The following ZDHHC3 variants were observed in gnomAD, a reference collection of about 807,000 sequenced individuals.
The protein encoded by ZDHHC3 is zDHHC palmitoyltransferase 3, also known as palmitoyltransferase ZDHHC3.
In ZDHHC3, 9 loss-of-function variants were observed where a neutral mutation model predicts 30.6. The observed-to-expected ratio is 0.29, with a 90% CI of 0.18 to 0.51. ZDHHC3 has a LOEUF of 0.51. ZDHHC3 is among the 20% of genes least tolerant of loss of function. The pLI is 0.97. For missense variants in ZDHHC3, 246 were observed against 384.2 expected (o/e 0.64, Z 3.01); for synonymous variants, 136 against 140.2 (o/e 0.97, Z 0.21).
At chr3:44,928,682 A>C (rs926575124) in intron 6 of ZDHHC3, among the ~76,000 whole-genome samples, 6 of 152,218 alleles carry the variant, frequency 3.9e-5, no homozygotes, top group Admixed American at 2.6e-4. Context: ...AGTAGGCCCC[A>C]GTCTGGCACA....
intron 6 of ZDHHC3, among the ~76,000 whole-genome samples, chr3:44,928,638 G>A (rs1701211561): frequency 6.6e-6 from 1 of 152,186 alleles, no homozygotes; most frequent in South Asian, 2.1e-4. Context: ...GACACCTTAG[G>A]AAGGTCAGGA....
chr3:44,922,423 G>C lies in ZDHHC3; in HGVS notation c.*4266C>G. 2 of 985,406 alleles carry C rather than the reference G, an allele frequency of 2.0e-6. No homozygotes were observed. The highest frequency in any genetic ancestry group is 2.4e-6 in the Non-Finnish European group (2 of 829,922). The allele number at this position is 985,406 out of a possible 1,614,324, so 61.0% of individuals were successfully genotyped here. ...CCACTGATGAGATGCACAAGGAGTG[G>C]TGGGCAGGCTAATAATTTGGATCTG... is the stretch of plus-strand genomic sequence containing the variant. On this transcript the variant is annotated 3_prime_UTR_variant, in exon 7 of 7. Coordinates refer to ENST00000424952, the MANE Select transcript of ZDHHC3 (RefSeq NM_001135179.2).
At chr3:44,964,425 A>G (rs1386486071) in intron 1 of ZDHHC3, among the ~76,000 whole-genome samples, 1 of 152,192 alleles carries the variant, frequency 6.6e-6, no homozygotes, top group East Asian at 1.9e-4. Flanking sequence ...CAGGATGACC[A>G]GGGCTGTGTG....
At chr3:44,940,612 C>T (rs1246222171) in intron 3 of ZDHHC3, among the ~76,000 whole-genome samples, 1 of 152,196 alleles carries the variant, frequency 6.6e-6, no homozygotes, top group South Asian at 2.1e-4. Context: ...TATCTGCATC[C>T]TGGCCTTCCA....
At position 44,945,212 on chromosome 3, in the gene ZDHHC3, G is replaced by A; in HGVS notation, c.387C>T (p.Cys129=). The A allele has an allele frequency of 6.2e-7, 1 of 1,614,150 alleles. No individual in the cohort carries two copies. The highest frequency in any genetic ancestry group is 8.5e-7 in the Non-Finnish European group (1 of 1,180,032). The change falls in exon 3 of 7, where the codon TGC becomes TGT. Residue 129 remains cysteine (C), a synonymous_variant. Transcript: ENST00000424952. ...CGGGCTTGATGCTGCAGCATTTGGG[G>A]CACTTGTACACCACCTGCCCAGGCT... is the stretch of plus-strand genomic sequence containing the variant. The part of the protein sequence containing the change: ...QLKPGQVVYK[C]PKCCSIKPDR...
intron 2 of ZDHHC3, among the ~76,000 whole-genome samples, chr3:44,951,555 C>T (rs1359726713): frequency 6.6e-6 from 1 of 152,184 alleles, no homozygotes; most frequent in Non-Finnish European, 1.5e-5. Context: ...TCCCTGGACT[C>T]ACGGGTACCC....
intron 3 of ZDHHC3, among the ~76,000 whole-genome samples, chr3:44,935,186 C>A (rs1449329259): frequency 1.3e-5 from 2 of 152,142 alleles, no homozygotes; most frequent in East Asian, 3.8e-4. Flanking sequence ...AATGTGAGCC[C>A]ATTTAATTAT....
rs561231862 is a variant in ZDHHC3 at position 44,918,863 on chromosome 3, G to T, written c.*7826C>A. On this transcript the variant is annotated 3_prime_UTR_variant, in exon 7 of 7. Transcript: ENST00000424952. ...GGGTGTTGGGGTGGGGAGATGCCCA[G>T]AGGAGGTAAAGACATGGCCAGGCCA... The T allele has an allele frequency of 5.0e-5, 49 of 986,746 alleles. No homozygotes were observed. The African/African-American group carries it at 8.5e-4, about 17-fold the overall frequency. The allele number at this position is 986,746 out of a possible 1,614,324, so 61.1% of individuals were successfully genotyped here.
chr3:44,950,170 G>A (rs1163511840), intron 2 of ZDHHC3, among the ~76,000 whole-genome samples: 2 of 152,128 alleles, frequency 1.3e-5, no homozygotes, highest in African/African-American at 4.8e-5. Context: ...AATTGAGTTT[G>A]GGCAACTGTG....
chr3:44,971,206 T>C (rs1032376199), intron 1 of ZDHHC3, among the ~76,000 whole-genome samples: 33 of 152,328 alleles, frequency 2.2e-4, no homozygotes, highest in African/African-American at 7.7e-4. Context: ...CTCAAAGGCA[T>C]TGCATCTCCA....
At chr3:44,941,797 G>A (rs978741483) in intron 3 of ZDHHC3, among the ~76,000 whole-genome samples, 2 of 151,744 alleles carry the variant, frequency 1.3e-5, no homozygotes, top group African/African-American at 4.8e-5. Flanking sequence ...ATGTCCTAAT[G>A]TTTAAGAAAG....
chr3:44,973,315 C>G (rs989069364), intron 1 of ZDHHC3, among the ~76,000 whole-genome samples: 2 of 152,108 alleles, frequency 1.3e-5, no homozygotes, highest in Admixed American at 6.5e-5. Flanking sequence ...GGTCTCAAGT[C>G]CTGGTTCTGC....
In ZDHHC3 at chr3:44,920,853, G is replaced by C; in HGVS notation, c.*5836C>G. ...ACCAGAGGTCTTCAGCAGTAAAGTC[G>C]ACAAACTTTCAGGGAGTGTTGACTT... is the stretch of plus-strand genomic sequence containing the variant. On this transcript the variant is annotated 3_prime_UTR_variant, in exon 7 of 7. Transcript: ENST00000424952. 1 of 985,394 alleles carries C rather than the reference G, an allele frequency of 1.0e-6. No homozygotes were observed. The highest frequency in any genetic ancestry group is 1.2e-6 in the Non-Finnish European group (1 of 829,930). 61.0% of individuals were successfully genotyped at this position (985,394 alleles called of 1,614,324 possible).
intron 3 of ZDHHC3, among the ~76,000 whole-genome samples, chr3:44,935,040 C>G (rs149255903): frequency 9.5e-4 from 145 of 152,278 alleles, no homozygotes; most frequent in Non-Finnish European, 1.6e-3. Context: ...ACCCGCTCCC[C>G]CTTTGGACAA....
At chr3:44,934,088 C>A in intron 3 of ZDHHC3, 104 bp from the exon 4 acceptor site, 1 of 1,124,048 alleles carries the variant, frequency 8.9e-7, no homozygotes, top group Non-Finnish European at 1.3e-6. Context: ...TCTGAAATGG[C>A]TTCCTTGGGC....
chr3:44,920,501 G>A lies in ZDHHC3; in HGVS notation c.*6188C>T. The A allele has an allele frequency of 1.0e-6, 1 of 985,440 alleles. No individual in the cohort carries two copies. Among genetic ancestry groups the A allele is most frequent in the Non-Finnish European group, 1.2e-6 (1 of 829,934 alleles). 61.0% of individuals were successfully genotyped at this position (985,440 alleles called of 1,614,324 possible). On this transcript the variant is annotated 3_prime_UTR_variant, in exon 7 of 7. Coordinates refer to ENST00000424952, the MANE Select transcript of ZDHHC3 (RefSeq NM_001135179.2). ...GTTTTTATGGCCTCCTTGTGAGGAG[G>A]TGGGTATGAGTATTGATGATTGGCA...
chr3:44,953,861 G>A (rs1703687524), intron 2 of ZDHHC3, among the ~76,000 whole-genome samples: 1 of 152,216 alleles, frequency 6.6e-6, no homozygotes, highest in South Asian at 2.1e-4. Context: ...CTGATGCAGT[G>A]AATGTGCCAA....
intron 6 of ZDHHC3, among the ~76,000 whole-genome samples, chr3:44,927,883 A>G (rs1271902874): frequency 6.6e-6 from 1 of 152,110 alleles, no homozygotes; most frequent in African/African-American, 2.4e-5. Context: ...CAGCCTAGGG[A>G]CCTGGGAAGG....
chr3:44,933,312 G>T, intron 4 of ZDHHC3, 113 bp from the exon 5 acceptor site: 1 of 936,752 alleles, frequency 1.1e-6, no homozygotes, highest in Non-Finnish European at 1.7e-6. Context: ...GTCAGGACAA[G>T]GCCTGACCAG....
Sources: gnomAD v4.1 joint callset for allele counts (sites outside exome capture counted in the v4.1 genomes callset) on GRCh38, gnomAD v4.1.1 for gene constraint, MANE v1.5 for transcripts, NCBI Gene and HGNC (gene_info 2026-07-23, HGNC 2026-07-21) for gene names.